Variants in NALF1 observed in about 807,000 individuals in gnomAD.
NALF1 encodes family with sequence similarity 155 member A.
In NALF1, 3 loss-of-function variants were observed where a neutral mutation model predicts 48.4. That is an observed-to-expected ratio of 0.06 (90% CI 0.03 to 0.16). NALF1 has a LOEUF of 0.16. Among genes scored for constraint, NALF1 ranks in the 10% least tolerant of loss-of-function variants. NALF1 has a pLI of 1.00. For missense variants in NALF1, 526 were observed against 571.5 expected (o/e 0.92, Z 0.81); for synonymous variants, 262 against 245.7 (o/e 1.07, Z -0.62).
At chr13:107,801,088 T>C (rs998329456) in intron 1 of NALF1, among the ~76,000 whole-genome samples, 2 of 152,204 alleles carry the variant, frequency 1.3e-5, no homozygotes. Flanking sequence ...TTGCTTTCAT[T>C]TGCTTTACTT....
chr13:107,463,054 G>C (rs1371657097), intron 1 of NALF1, among the ~76,000 whole-genome samples: 3 of 152,186 alleles, frequency 2.0e-5, no homozygotes, highest in Non-Finnish European at 2.9e-5. Flanking sequence ...AGTTCCGACG[G>C]ATTGAGGGAA....
chr13:107,207,954 TC>T (rs1273534015), intron 2 of NALF1, among the ~76,000 whole-genome samples: 38 of 152,082 alleles, frequency 2.5e-4, no homozygotes, highest in Admixed American at 2.0e-3. Flanking sequence ...GCATCTGGCC[TC>T]AGCAGTGCAC....
rs1310806905 is a variant in NALF1, at chr13:107,168,463, C to T, written c.*2034G>A. 6.6e-6 allele frequency: 1 copy of T among 152,232 alleles called. No homozygotes were observed. The highest frequency in any genetic ancestry group is 1.5e-5 in the Non-Finnish European group (1 of 68,012). The allele number at this position is 152,232 out of a possible 1,614,324, so 9.4% of individuals were successfully genotyped here. On this transcript the variant is annotated 3_prime_UTR_variant, in exon 3 of 3. Coordinates refer to ENST00000375915, the MANE Select transcript of NALF1 (RefSeq NM_001080396.3). The stretch of plus-strand genomic sequence containing the variant: ...ATGATGCCTATGTGTATGTATCTGT[C>T]CACATGTGAATGTATTTGCATTTGC...
At position 107,643,611 on chromosome 13, in the gene NALF1, T is replaced by C. The variant is rs535754371; in HGVS notation, c.915+222071A>G. ...TTTTATTTGGATCAAAGGGAACAAA[T>C]AAAGGGGGAGGATTATTAGAAAAAT... On this transcript the variant is annotated intron_variant, in intron 1 of 2. Transcript: ENST00000375915. Among the ~76,000 whole-genome samples, 252 of 151,118 alleles carry C rather than the reference T, an allele frequency of 1.7e-3. 1 individual carries two copies. The Middle Eastern group carries it at 0.034, about 20-fold the overall frequency.
chr13:107,210,450 A>G (rs1879737067), intron 2 of NALF1, 134 bp downstream of exon 2: 1 of 645,244 alleles, frequency 1.5e-6, no homozygotes, highest in East Asian at 2.6e-5. Flanking sequence ...TGCTTCTATT[A>G]GTGAAAGTGC....
chr13:107,257,266 T>A (rs1880835845), intron 1 of NALF1, among the ~76,000 whole-genome samples: 1 of 152,134 alleles, frequency 6.6e-6, no homozygotes, highest in Non-Finnish European at 1.5e-5. Flanking sequence ...AGCCGAACCA[T>A]GTTAGTTGTT....
chr13:107,437,006 T>C (rs12100245), intron 1 of NALF1, among the ~76,000 whole-genome samples: 42,030 of 151,814 alleles, frequency 0.28, 6,627 homozygotes, highest in Non-Finnish European at 0.35. Context: ...AAATAAGTGG[T>C]ATCCGGGACA....
In NALF1 at chr13:107,660,473, ACACACAC is replaced by A. The variant is rs1431060567; in HGVS notation, c.915+205202_915+205208del. ...CACACACACACACACACACACACAC[ACACACAC>A]ACACAACAAAGAAACAAAAAAACAA... On this transcript the variant is annotated intron_variant, in intron 1 of 2. Transcript: ENST00000375915. Among the ~76,000 whole-genome samples the A allele has an allele frequency of 4.0e-3, 504 of 127,166 alleles. 6 individuals are homozygous for A. Among genetic ancestry groups the A allele is most frequent in the Middle Eastern group, 8.8e-3 (2 of 226 alleles). 83.4% of individuals were successfully genotyped at this position (127,166 alleles called of 152,430 possible). A position where few individuals can be genotyped will look rare whatever the true frequency, so the allele number is the denominator to read the frequency against.
intron 1 of NALF1, among the ~76,000 whole-genome samples, chr13:107,613,371 T>C (rs1879291966): frequency 6.6e-6 from 1 of 152,184 alleles, no homozygotes; most frequent in Non-Finnish European, 1.5e-5. Context: ...ACTGGGTAAA[T>C]TCTTTCTCTC....
intron 1 of NALF1, among the ~76,000 whole-genome samples, chr13:107,564,385 C>A (rs1877728986): frequency 6.6e-6 from 1 of 152,190 alleles, no homozygotes; most frequent in South Asian, 2.1e-4. Context: ...AGTCATTCTT[C>A]CAAGGTCTCC....
intron 1 of NALF1, among the ~76,000 whole-genome samples, chr13:107,640,394 C>T (rs986205461): frequency 5.3e-5 from 8 of 152,084 alleles, no homozygotes; most frequent in African/African-American, 1.9e-4. Flanking sequence ...TAAAATAAAA[C>T]GTTCCTAAAT....
intron 1 of NALF1, among the ~76,000 whole-genome samples, chr13:107,571,293 T>TATG (rs1360745808): frequency 2.6e-5 from 4 of 152,146 alleles, no homozygotes; most frequent in Non-Finnish European, 5.9e-5. Flanking sequence ...AAGACCAAAG[T>TATG]ATGATTAGAG....
At chr13:107,718,092 A>G (rs1282565443) in intron 1 of NALF1, among the ~76,000 whole-genome samples, 1 of 152,122 alleles carries the variant, frequency 6.6e-6, no homozygotes, top group East Asian at 1.9e-4. Context: ...GCGAATGCGT[A>G]TCCCTCATCC....
chr13:107,201,033 T>A (rs772558971), intron 2 of NALF1, among the ~76,000 whole-genome samples: 1 of 152,150 alleles, frequency 6.6e-6, no homozygotes, highest in Non-Finnish European at 1.5e-5. Flanking sequence ...GACACGCCAC[T>A]GCAATGAAGA....
chr13:107,184,736 G>A (rs1200480381), intron 2 of NALF1, among the ~76,000 whole-genome samples: 1 of 152,086 alleles, frequency 6.6e-6, no homozygotes, highest in Non-Finnish European at 1.5e-5. Context: ...TACTCCTGTA[G>A]TAATTTGTCT....
At chr13:107,516,338 A>C (rs1185301103) in intron 1 of NALF1, among the ~76,000 whole-genome samples, 1 of 152,196 alleles carries the variant, frequency 6.6e-6, no homozygotes, top group Non-Finnish European at 1.5e-5. Flanking sequence ...TGTGAAGGCA[A>C]AAAGCATGTG....
chr13:107,782,185 C>T (rs1341229337), intron 1 of NALF1, among the ~76,000 whole-genome samples: 1 of 152,210 alleles, frequency 6.6e-6, no homozygotes, highest in Non-Finnish European at 1.5e-5. Context: ...TGCCGAGTGC[C>T]TGCGATTGCA....
At chr13:107,678,517 T>C (rs1881191738) in intron 1 of NALF1, among the ~76,000 whole-genome samples, 1 of 152,220 alleles carries the variant, frequency 6.6e-6, no homozygotes, top group Non-Finnish European at 1.5e-5. Flanking sequence ...CTCTGTGACC[T>C]CGAGCAAGTC....
intron 1 of NALF1, among the ~76,000 whole-genome samples, chr13:107,270,721 T>A (rs976649149): frequency 8.5e-5 from 13 of 152,130 alleles, no homozygotes; most frequent in East Asian, 3.9e-4. Context: ...TGTGCAGGTT[T>A]GTTACATATG....
Sources: gnomAD v4.1 joint callset for allele counts (sites outside exome capture counted in the v4.1 genomes callset) on GRCh38, gnomAD v4.1.1 for gene constraint, MANE v1.5 for transcripts, NCBI Gene and HGNC (gene_info 2026-07-23, HGNC 2026-07-21) for gene names.